Variants in ELFN1 observed in about 807,000 individuals in gnomAD.
ELFN1 encodes extracellular leucine rich repeat and fibronectin type III domain containing 1, also known as protein ELFN1.
ELFN1 carries 6 observed loss-of-function variants against 7.6 expected under a neutral mutation model. The observed-to-expected ratio is 0.79, with a 90% CI of 0.43 to 1.56. The LOEUF is 1.56. ELFN1 is among the 40% of genes most tolerant of loss of function. The pLI, the probability that ELFN1 is intolerant of heterozygous loss-of-function variation, is 0.01. For missense variants in ELFN1, 1,169 were observed against 1,232.2 expected (o/e 0.95, Z 0.77); for synonymous variants, 657 against 588.1 (o/e 1.12, Z -1.70).
intron 3 of ELFN1, among the ~76,000 whole-genome samples, chr7:1,713,839 C>T (rs900871734): frequency 2.6e-4 from 39 of 152,218 alleles, no homozygotes; most frequent in Admixed American, 6.5e-4. Flanking sequence ...CTCGCCAATC[C>T]CCGCACCCTG....
intron 1 of ELFN1, among the ~76,000 whole-genome samples, chr7:1,676,399 G>C (rs969274534): frequency 2.6e-5 from 4 of 152,224 alleles, no homozygotes; most frequent in Non-Finnish European, 5.9e-5. Context: ...GCCCGGGCTG[G>C]GGAGCCTCTG....
At position 1,695,162 on chromosome 7, in the gene ELFN1, C is replaced by T. The variant is rs756213240; in HGVS notation, c.-456+7012C>T. Among the ~76,000 whole-genome samples, 2 of 152,224 alleles carry T rather than the reference C, an allele frequency of 1.3e-5. No homozygotes were observed. The highest frequency in any genetic ancestry group is 2.9e-5 in the Non-Finnish European group (2 of 68,040). On this transcript the variant is annotated intron_variant, in intron 2 of 3. Transcript: ENST00000424383. The surrounding 1 kb of genome is among the most constrained non-coding windows in gnomAD (Gnocchi z 5.1). The stretch of plus-strand genomic sequence containing the variant: ...CTGCTCTGTGGCTCCAGAGCTCATG[C>T]GCAGCCCGCTGGGGCTGTGAGGGTT...
At chr7:1,696,533 A>G (rs1361608816) in intron 2 of ELFN1, among the ~76,000 whole-genome samples, 1 of 152,032 alleles carries the variant, frequency 6.6e-6, no homozygotes, top group Non-Finnish European at 1.5e-5. Context: ...CTGGGACCAC[A>G]GGTGCGTGCC....
chr7:1,702,329 CAGG>C (rs1779444896), intron 2 of ELFN1, among the ~76,000 whole-genome samples: 1 of 151,742 alleles, frequency 6.6e-6, no homozygotes, highest in Non-Finnish European at 1.5e-5. Flanking sequence ...GAGGCTGAGG[CAGG>C]AGAATGGTGT....
intron 1 of ELFN1, among the ~76,000 whole-genome samples, chr7:1,672,850 A>C (rs11984088): frequency 2.0e-5 from 3 of 151,894 alleles, no homozygotes; most frequent in African/African-American, 4.8e-5. Flanking sequence ...GGGTGTTCAT[A>C]TATCTTCACA....
intron 3 of ELFN1, among the ~76,000 whole-genome samples, chr7:1,743,968 G>A (rs976652979): frequency 1.3e-5 from 2 of 152,212 alleles, no homozygotes; most frequent in African/African-American, 4.8e-5. Flanking sequence ...GGGCTTCAGG[G>A]ACCTCGATTC....
At position 1,747,239 on chromosome 7, in the gene ELFN1, G is replaced by A. The variant is rs1253692361; in HGVS notation, c.*156G>A. 12 of 879,508 alleles carry A rather than the reference G, an allele frequency of 1.4e-5. No individual in the cohort carries two copies. In the Admixed American group the frequency reaches 4.0e-4, roughly 29 times the overall value. The allele number at this position is 879,508 out of a possible 1,614,324, so 54.5% of individuals were successfully genotyped here. On this transcript the variant is annotated 3_prime_UTR_variant, in exon 4 of 4. Transcript: ENST00000424383. Reference sequence around the variant, plus strand: ...GGGAGCGAGTGGGGACAGACAAGGGGGACACGTCCCGAGCTCCTGTGGCCG... The same window carrying A: ...GGGAGCGAGTGGGGACAGACAAGGGAGACACGTCCCGAGCTCCTGTGGCCG...
At chr7:1,724,947 G>A in intron 3 of ELFN1, among the ~76,000 whole-genome samples, 1 of 152,214 alleles carries the variant, frequency 6.6e-6, no homozygotes. Context: ...CTGCCCTGAT[G>A]TGAGGTGCTA....
intron 3 of ELFN1, among the ~76,000 whole-genome samples, chr7:1,711,133 C>G (rs778876436): frequency 6.6e-6 from 1 of 152,236 alleles, no homozygotes; most frequent in Non-Finnish European, 1.5e-5. Context: ...GGGATCCCTC[C>G]AAGCCCTGCT....
intron 2 of ELFN1, among the ~76,000 whole-genome samples, chr7:1,703,827 C>T (rs1185343584): frequency 6.6e-6 from 1 of 152,188 alleles, no homozygotes; most frequent in African/African-American, 2.4e-5. Flanking sequence ...TTGGGGAGGT[C>T]TCTGTGTATG....
rs899849370 is a variant in ELFN1, at chr7:1,745,151, C to T, written c.555C>T (p.Cys185=). The T allele has an allele frequency of 1.5e-5, 24 of 1,549,998 alleles. No homozygotes were observed. The highest frequency in any genetic ancestry group is 2.7e-5 in the African/African-American group (2 of 73,066). The change falls in exon 4 of 4, where the codon TGC becomes TGT. Residue 185 remains cysteine (C), a synonymous_variant. Transcript: ENST00000424383. ...CCGGCCTGGCCAAGCTGTCGGTGTG[C>T]GAGCTCTACAGCAACCCCTTCTACT... The part of the protein sequence containing the change: ...TFAGLAKLSV[C]ELYSNPFYCS...
intron 3 of ELFN1, among the ~76,000 whole-genome samples, chr7:1,741,149 GAAGA>G (rs1438394965): frequency 1.7e-4 from 20 of 118,012 alleles, no homozygotes; most frequent in Non-Finnish European, 2.2e-4. Context: ...AAAAAAAAAA[GAAGA>G]AAGAAAACTT....
intron 2 of ELFN1, chr7:1,693,817 C>T (rs1243856382): frequency 2.1e-6 from 1 of 468,450 alleles, no homozygotes; most frequent in South Asian, 1.6e-5. Context: ...ATGGGCCTCC[C>T]CAGGGACGGC....
chr7:1,740,603 A>G lies in ELFN1; in HGVS notation c.-293-3701A>G, dbSNP rs1359535801. Among the ~76,000 whole-genome samples, 1 of 152,092 alleles carries G rather than the reference A, an allele frequency of 6.6e-6. No individual in the cohort carries two copies. The highest frequency in any genetic ancestry group is 2.4e-5 in the African/African-American group (1 of 41,406). On this transcript the variant is annotated intron_variant, in intron 3 of 3. Coordinates refer to ENST00000424383, the MANE Select transcript of ELFN1 (RefSeq NM_001128636.4). This position sits in a 1 kb window ranked among gnomAD's most constrained non-coding sequence, Gnocchi z 5.0. ...CCTGTGGTCTGTCCAGAACCTTCCTAGGTGATTCGGCCTTTCCCTGTTTCC... is the reference window on the plus strand; with the variant it reads ...CCTGTGGTCTGTCCAGAACCTTCCTGGGTGATTCGGCCTTTCCCTGTTTCC...
intron 1 of ELFN1, among the ~76,000 whole-genome samples, chr7:1,678,202 G>A (rs1778908268): frequency 6.6e-6 from 1 of 152,142 alleles, no homozygotes; most frequent in African/African-American, 2.4e-5. Context: ...ACACACACTG[G>A]GGAGGCATGC....
Position 1,747,570 on chromosome 7 carries a change from G to A in ELFN1, c.*487G>A, listed in dbSNP as rs145027156. ...TCGGGGCCCCTCACGTGATCTCCTC[G>A]GTCCGTGGTTTTCTGTGGATTCTCT... On this transcript the variant is annotated 3_prime_UTR_variant, in exon 4 of 4. Transcript: ENST00000424383. 1,151 of 165,902 alleles carry A rather than the reference G, an allele frequency of 6.9e-3. 23 individuals carry two copies. Among genetic ancestry groups the A allele is most frequent in the Admixed American group, 0.044 (671 of 15,308 alleles). The allele number at this position is 165,902 out of a possible 1,614,324, so 10.3% of individuals were successfully genotyped here. A position where few individuals can be genotyped will look rare whatever the true frequency, so the allele number is the denominator to read the frequency against.
chr7:1,745,918 G>A lies in ELFN1; in HGVS notation c.1322G>A (p.Arg441His), dbSNP rs766766017. 1.1e-5 allele frequency: 18 copies of A among 1,569,962 alleles called. No individual in the cohort carries two copies. The highest frequency in any genetic ancestry group is 4.7e-5 in the East Asian group (2 of 42,110). ...LVLGAVYYCLRRRRRQEEKHK... is the reference protein window; with the variant it reads ...LVLGAVYYCLHRRRRQEEKHK... ...CTGGGCGCCGTCTACTACTGCCTGC[G>A]CAGGCGGCGGCGCCAGGAGGAGAAG... The change falls in exon 4 of 4, where the codon CGC becomes CAC. Residue 441 changes from arginine (R) to histidine (H), a missense_variant. This residue lies in a region of ELFN1 where 914 missense variants were observed against 872.6 expected (regional missense o/e 1.05). Coordinates refer to ENST00000424383, the MANE Select transcript of ELFN1 (RefSeq NM_001128636.4).
intron 2 of ELFN1, among the ~76,000 whole-genome samples, chr7:1,707,569 C>T (rs75993785): frequency 6.6e-6 from 1 of 152,158 alleles, no homozygotes; most frequent in Non-Finnish European, 1.5e-5. Context: ...GACGGCAGGG[C>T]GGCTCACAGA....
intron 2 of ELFN1, among the ~76,000 whole-genome samples, chr7:1,703,937 A>G (rs1779478990): frequency 6.6e-6 from 1 of 152,108 alleles, no homozygotes. Context: ...TGTCCTGCAA[A>G]AAGCAAGGGG....
Sources: gnomAD v4.1 joint callset for allele counts (sites outside exome capture counted in the v4.1 genomes callset) on GRCh38, gnomAD v4.1.1 for gene constraint, gnomAD v4.1.1 regional missense constraint, Gnocchi (gnomAD v3.1) non-coding constraint, MANE v1.5 for transcripts, NCBI Gene and HGNC (gene_info 2026-07-23, HGNC 2026-07-21) for gene names.